Variants in SLC7A6 observed in about 807,000 individuals in gnomAD.
SLC7A6 encodes the protein Y+L amino acid transporter 2.
A neutral mutation model predicts 46.6 loss-of-function variants in SLC7A6; 29 were observed. The ratio of observed to expected loss-of-function variants is 0.62; its 90% CI spans 0.46 to 0.85. The LOEUF (loss-of-function observed/expected upper bound fraction) is 0.85. SLC7A6 is among the 40% of genes least tolerant of loss of function. The pLI is 0.00. For missense variants in SLC7A6, 527 were observed against 647.6 expected (o/e 0.81, Z 2.02); for synonymous variants, 276 against 257.3 (o/e 1.07, Z -0.70).
intron 3 of SLC7A6, among the ~76,000 whole-genome samples, chr16:68,280,054 T>C (rs914496195): frequency 2.0e-5 from 3 of 152,244 alleles, no homozygotes; most frequent in African/African-American, 7.2e-5. Context: ...GGAACTTAGG[T>C]TGCAGTATCA....
intron 7 of SLC7A6, 70 bp downstream of exon 7, chr16:68,291,731 C>T: frequency 7.9e-7 from 1 of 1,267,186 alleles, no homozygotes; most frequent in East Asian, 2.4e-5. Context: ...CATAAGAGTT[C>T]CTTTTTTCCC....
chr16:68,297,237 C>G lies in SLC7A6; in HGVS notation c.1457C>G (p.Ala486Gly), dbSNP rs749659688. ...RPLFIRNVLA[A>G]ITRGTQQLCF... is the part of the protein sequence containing the mutation. ...TGCTTGCTCTATTTTCATTTAGCTG[C>G]TATCACCAGAGGCACCCAGCAGCTT... The change falls in exon 11 of 11, where the codon GCT becomes GGT. Residue 486 changes from alanine (A) to glycine (G), a missense_variant. Physicochemically the swap from Ala to Gly is moderately conservative, Grantham distance 60 (BLOSUM62 0). Coordinates refer to ENST00000219343, the MANE Select transcript of SLC7A6 (RefSeq NM_003983.6). The G allele has an allele frequency of 6.2e-7, 1 of 1,613,814 alleles. No individual in the cohort carries two copies. The highest frequency in any genetic ancestry group is 1.1e-5 in the South Asian group (1 of 91,046).
intron 4 of SLC7A6, among the ~76,000 whole-genome samples, chr16:68,288,078 G>A (rs1291225664): frequency 6.6e-6 from 1 of 152,172 alleles, no homozygotes; most frequent in Non-Finnish European, 1.5e-5. Flanking sequence ...TGTCCCTCAG[G>A]GCTGGTTTCC....
Position 68,287,855 on chromosome 16 carries a change from T to C in SLC7A6, c.633T>C (p.Leu211=), listed in dbSNP as rs1175396008. 6.2e-7 allele frequency: 1 copy of C among 1,614,124 alleles called. No homozygotes were observed. Residue 211 remains leucine (L), a synonymous_variant, in exon 4 of 11, where the codon CTT becomes CTC. Coordinates refer to ENST00000219343, the MANE Select transcript of SLC7A6 (RefSeq NM_003983.6). ...TCATTGCCATCATTGTCATGGGCCT[T>C]GTTAAACTGTGCCAGGGTAAGTGGT... ...VALIAIIVMG[L]VKLCQGHSEH...
Position 68,300,182 on chromosome 16 carries a change from A to C in SLC7A6, c.*2854A>C, listed in dbSNP as rs1387912124. 4 of 152,202 alleles carry C rather than the reference A, an allele frequency of 2.6e-5. No individual in the cohort carries two copies. Among genetic ancestry groups the C allele is most frequent in the African/African-American group, 9.7e-5 (4 of 41,438 alleles). The allele number at this position is 152,202 out of a possible 1,614,324, so 9.4% of individuals were successfully genotyped here. On this transcript the variant is annotated 3_prime_UTR_variant, in exon 11 of 11. Transcript: ENST00000219343. Reference sequence around the variant, plus strand: ...TAGCTAATTACATTAAAATGAAATAAAATTAAAAGCTCAGTTTCTCAGTTG... The same window carrying C: ...TAGCTAATTACATTAAAATGAAATACAATTAAAAGCTCAGTTTCTCAGTTG...
intron 7 of SLC7A6, among the ~76,000 whole-genome samples, chr16:68,294,150 T>C (rs1443157372): frequency 6.6e-6 from 1 of 152,080 alleles, no homozygotes; most frequent in Admixed American, 6.6e-5. Flanking sequence ...TGCCTCGGCT[T>C]CCGAAAGTGC....
In SLC7A6 at chr16:68,299,857, C is replaced by T. The variant is rs891168238; in HGVS notation, c.*2529C>T. On this transcript the variant is annotated 3_prime_UTR_variant, in exon 11 of 11. Transcript: ENST00000219343. ...TTTAATTAGCTGCAATATATACGGC[C>T]TGTGTACACAGAATTTAATCACTTC... 2 of 152,164 alleles carry T rather than the reference C, an allele frequency of 1.3e-5. No individual in the cohort carries two copies. Among genetic ancestry groups the T allele is most frequent in the African/African-American group, 4.8e-5 (2 of 41,430 alleles). The allele number at this position is 152,164 out of a possible 1,614,324, so 9.4% of individuals were successfully genotyped here.
Position 68,275,141 on chromosome 16 carries a change from G to A in SLC7A6, c.415G>A (p.Gly139Ser), listed in dbSNP as rs1047071685. 9.9e-6 allele frequency: 16 copies of A among 1,613,962 alleles called. No individual in the cohort carries two copies. Among genetic ancestry groups the A allele is most frequent in the African/African-American group, 6.7e-5 (5 of 74,870 alleles). ...CTCACTGCTAGTTGTTGAGCCCACC[G>A]GTCAGGCCATCATCGCCATCACCTT... ...WVSLLVVEPTGQAIIAITFAN... is the reference protein window; with the variant it reads ...WVSLLVVEPTSQAIIAITFAN... Residue 139 changes from glycine to serine, a missense_variant, in exon 3 of 11, where the codon GGT (glycine) becomes AGT (serine). Coordinates refer to ENST00000219343, the MANE Select transcript of SLC7A6 (RefSeq NM_003983.6).
In SLC7A6 at chr16:68,278,881, G is replaced by A. The variant is rs1323973942; in HGVS notation, c.523+3632G>A. 2.6e-5 allele frequency among the ~76,000 whole-genome samples: 4 copies of A among 152,036 alleles called. No homozygotes were observed. In the South Asian group the frequency reaches 6.2e-4, roughly 24 times the overall value. On this transcript the variant is annotated intron_variant, in intron 3 of 10. Coordinates refer to ENST00000219343, the MANE Select transcript of SLC7A6 (RefSeq NM_003983.6). ...AGAGGGGCTCCTCACTTCCCAGAAG[G>A]GGCGGCCGGGCAGAGGCGCCCCCCA... is the stretch of plus-strand genomic sequence containing the variant.
intron 2 of SLC7A6, among the ~76,000 whole-genome samples, chr16:68,268,020 C>T (rs1161966679): frequency 6.6e-6 from 1 of 152,168 alleles, no homozygotes; most frequent in African/African-American, 2.4e-5. Context: ...GTGACCCTTC[C>T]CCCATATGTG....
intron 5 of SLC7A6, chr16:68,290,896 G>A (rs2043036230): frequency 1.3e-5 from 6 of 475,016 alleles, no homozygotes; most frequent in African/African-American, 7.8e-5. Flanking sequence ...CCCCAGCCTG[G>A]CATCCAGTCC....
At chr16:68,266,297 C>T (rs990020071) in intron 1 of SLC7A6, among the ~76,000 whole-genome samples, 2 of 152,016 alleles carry the variant, frequency 1.3e-5, no homozygotes, top group East Asian at 3.9e-4. Context: ...ACGGTGCCCA[C>T]GGGACCTGGG....
intron 1 of SLC7A6, chr16:68,265,422 T>C (rs1379926635): frequency 6.6e-6 from 1 of 152,216 alleles, no homozygotes; most frequent in East Asian, 1.9e-4. Flanking sequence ...GTACCTCTTG[T>C]ATGCCCTGGG....
chr16:68,294,227 CT>C, intron 7 of SLC7A6, among the ~76,000 whole-genome samples: 1 of 152,314 alleles, frequency 6.6e-6, no homozygotes, highest in East Asian at 1.9e-4. Context: ...CGGTAGAGCT[CT>C]TTAGGTGTAG....
At chr16:68,266,841 T>C (rs2042541597) in intron 2 of SLC7A6, 120 bp downstream of exon 2, 1 of 152,170 alleles carries the variant, frequency 6.6e-6, no homozygotes, top group Admixed American at 6.5e-5. Context: ...AACAACTCTT[T>C]AGTATTACAT....
At chr16:68,294,639 T>G in intron 7 of SLC7A6, 66 bp from the exon 8 acceptor site, 3 of 1,170,638 alleles carry the variant, frequency 2.6e-6, no homozygotes, top group Non-Finnish European at 3.8e-6. Flanking sequence ...TTTGTCCAAG[T>G]GAGGAGTGAG....
At chr16:68,277,058 T>C (rs2042724032) in intron 3 of SLC7A6, among the ~76,000 whole-genome samples, 1 of 151,918 alleles carries the variant, frequency 6.6e-6, no homozygotes, top group Non-Finnish European at 1.5e-5. Flanking sequence ...TAAATTACTC[T>C]TAAGTCATCC....
rs996848528 is a variant in SLC7A6 at position 68,268,715 on chromosome 16, T to C, written c.-37+1994T>C. 7.9e-5 allele frequency among the ~76,000 whole-genome samples: 12 copies of C among 152,284 alleles called. No individual in the cohort carries two copies. In the East Asian group the frequency reaches 1.7e-3, roughly 22 times the overall value. On this transcript the variant is annotated intron_variant, in intron 2 of 10. Transcript: ENST00000219343. The stretch of plus-strand genomic sequence containing the variant: ...GCAGGAATTTAAAATTTTTAAAAAT[T>C]TTTTTGTTGGCTGGGTGTGGTGGCT...
intron 2 of SLC7A6, among the ~76,000 whole-genome samples, chr16:68,268,908 G>A (rs1459711329): frequency 2.0e-5 from 3 of 152,100 alleles, no homozygotes; most frequent in African/African-American, 7.2e-5. Flanking sequence ...TCGGAAAGCT[G>A]AGGCAGGAGA....
Sources: gnomAD v4.1 joint callset for allele counts (sites outside exome capture counted in the v4.1 genomes callset) on GRCh38, gnomAD v4.1.1 for gene constraint, MANE v1.5 for transcripts, NCBI Gene and HGNC (gene_info 2026-07-23, HGNC 2026-07-21) for gene names.